HS6ST3: variants seen among roughly 807,000 people sequenced by gnomAD.
HS6ST3 encodes the protein heparan sulfate 6-O-sulfotransferase 3.
A neutral mutation model predicts 36.7 loss-of-function variants in HS6ST3; 12 were observed. That is an observed-to-expected ratio of 0.33 (90% CI 0.21 to 0.53). The LOEUF (loss-of-function observed/expected upper bound fraction) is 0.53, where lower values mean the gene tolerates loss of function less well. Ranked by LOEUF, HS6ST3 falls within the 20% of genes least tolerant of loss-of-function variation. The pLI, the probability that HS6ST3 is intolerant of heterozygous loss-of-function variation, is 0.95. For missense variants in HS6ST3, 584 were observed against 640.9 expected (o/e 0.91, Z 0.96); for synonymous variants, 240 against 257.5 (o/e 0.93, Z 0.65).
At chr13:96,522,188 A>C (rs1161279263) in intron 1 of HS6ST3, among the ~76,000 whole-genome samples, 1 of 152,126 alleles carries the variant, frequency 6.6e-6, no homozygotes, top group East Asian at 1.9e-4. Context: ...CCTGAGTTCT[A>C]ATTTGATTCC....
At chr13:96,501,395 G>C (rs2056003894) in intron 1 of HS6ST3, among the ~76,000 whole-genome samples, 1 of 152,214 alleles carries the variant, frequency 6.6e-6, no homozygotes. Flanking sequence ...GTGCTTAAGA[G>C]AATGAATCCT....
chr13:96,821,538 A>C (rs1324521123), intron 1 of HS6ST3, among the ~76,000 whole-genome samples: 1 of 152,258 alleles, frequency 6.6e-6, no homozygotes, highest in Non-Finnish European at 1.5e-5. Context: ...ACACAGACAC[A>C]GCACTTAGAA....
At chr13:96,179,434 T>C (rs1356158129) in intron 1 of HS6ST3, among the ~76,000 whole-genome samples, 2 of 152,232 alleles carry the variant, frequency 1.3e-5, no homozygotes, top group Non-Finnish European at 2.9e-5. Flanking sequence ...TTTCACTCCT[T>C]GAGCTCATCA....
At chr13:96,091,601 C>T (rs1158025889) in intron 1 of HS6ST3, 32 bp downstream of exon 1, 3 of 1,503,696 alleles carry the variant, frequency 2.0e-6, no homozygotes, top group Non-Finnish European at 2.7e-6. Flanking sequence ...CTGTTCTTCC[C>T]CCCCACCCCC....
chr13:96,436,967 T>A (rs200985802), intron 1 of HS6ST3, among the ~76,000 whole-genome samples: 1 of 42,810 alleles, frequency 2.3e-5, no homozygotes, highest in African/African-American at 1.6e-4. Context: ...AGGGCCTCCA[T>A]TTTTTTTTTC....
chr13:96,192,785 T>A (rs908582127), intron 1 of HS6ST3, among the ~76,000 whole-genome samples: 2 of 152,198 alleles, frequency 1.3e-5, no homozygotes, highest in East Asian at 1.9e-4. Flanking sequence ...ATAATGGGAT[T>A]ATTGGATCAA....
intron 1 of HS6ST3, among the ~76,000 whole-genome samples, chr13:96,832,277 G>A (rs1878817024): frequency 6.6e-6 from 1 of 152,142 alleles, no homozygotes; most frequent in Non-Finnish European, 1.5e-5. Flanking sequence ...GAGCAAGGAG[G>A]AAAAGCCCAA....
rs1390565925 is a variant in HS6ST3, at chr13:96,463,553, C to T, written c.708-368937C>T. Among the ~76,000 whole-genome samples, 3 of 151,950 alleles carry T rather than the reference C, an allele frequency of 2.0e-5. No individual in the cohort carries two copies. In the East Asian group the frequency reaches 5.8e-4, roughly 29 times the overall value. On this transcript the variant is annotated intron_variant, in intron 1 of 1. Coordinates refer to ENST00000376705, the MANE Select transcript of HS6ST3 (RefSeq NM_153456.4). The stretch of plus-strand genomic sequence containing the variant: ...ACAGGGTAGAAAAATATTTCTTGAA[C>T]AAGACACAAATAATACAAGACACAA...
intron 1 of HS6ST3, among the ~76,000 whole-genome samples, chr13:96,403,593 GA>G (rs1044013506): frequency 2.6e-5 from 4 of 151,242 alleles, no homozygotes; most frequent in East Asian, 1.9e-4. Flanking sequence ...TCTTCAAGAA[GA>G]AAAAAAAATC....
chr13:96,653,459 G>A (rs1355271240), intron 1 of HS6ST3, among the ~76,000 whole-genome samples: 1 of 152,088 alleles, frequency 6.6e-6, no homozygotes, highest in Non-Finnish European at 1.5e-5. Flanking sequence ...AACATGTGGT[G>A]TTTGGTTTTC....
intron 1 of HS6ST3, among the ~76,000 whole-genome samples, chr13:96,331,214 T>C (rs2055064777): frequency 6.6e-6 from 1 of 152,240 alleles, no homozygotes. Flanking sequence ...TTTGTTCCGT[T>C]GCTGGTGAGG....
At chr13:96,825,721 C>T (rs757038384) in intron 1 of HS6ST3, among the ~76,000 whole-genome samples, 1 of 152,226 alleles carries the variant, frequency 6.6e-6, no homozygotes, top group East Asian at 1.9e-4. Context: ...TGGGTCTCAA[C>T]ATCCTGCTCC....
At chr13:96,208,289 G>C (rs1178423607) in intron 1 of HS6ST3, among the ~76,000 whole-genome samples, 1 of 151,914 alleles carries the variant, frequency 6.6e-6, no homozygotes, top group Non-Finnish European at 1.5e-5. Context: ...GATTACAAAG[G>C]ATATGTTATA....
At chr13:96,247,661 C>G (rs72642954) in intron 1 of HS6ST3, among the ~76,000 whole-genome samples, 8,260 of 152,138 alleles carry the variant, frequency 0.054, 307 homozygotes, top group East Asian at 0.15. Context: ...TGAACCAATA[C>G]AAGCCCCTTC....
chr13:96,694,196 G>A (rs567535664), intron 1 of HS6ST3, among the ~76,000 whole-genome samples: 25 of 152,204 alleles, frequency 1.6e-4, no homozygotes, highest in South Asian at 1.5e-3. Flanking sequence ...AAAGGCCCCA[G>A]TGTGTGTTGT....
At chr13:96,297,145 T>G (rs953531319) in intron 1 of HS6ST3, among the ~76,000 whole-genome samples, 14 of 152,240 alleles carry the variant, frequency 9.2e-5, no homozygotes, top group African/African-American at 3.4e-4. Flanking sequence ...ACTAACTGTT[T>G]TTTACTGTTT....
rs1878843190 is a variant in HS6ST3, at chr13:96,833,059, A to G, written c.1277A>G (p.Glu426Gly). The G allele has an allele frequency of 1.2e-6, 2 of 1,613,282 alleles. No individual in the cohort carries two copies. Among genetic ancestry groups the G allele is most frequent in the Non-Finnish European group, 1.7e-6 (2 of 1,180,008 alleles). ...CGCTACCACCACACCAAGCAGCTAGAGCACCAGAGGGACCGCCAGAAGCGG... is the reference window on the plus strand; with the variant it reads ...CGCTACCACCACACCAAGCAGCTAGGGCACCAGAGGGACCGCCAGAAGCGG... The part of the protein sequence containing the change: ...QQRYHHTKQL[E>G]HQRDRQKRRE... Residue 426 changes from glutamate (E) to glycine (G), a missense_variant, in exon 2 of 2, where the codon GAG (glutamate) becomes GGG (glycine). Transcript: ENST00000376705.
chr13:96,337,052 G>GT (rs995013149), intron 1 of HS6ST3, among the ~76,000 whole-genome samples: 131 of 151,456 alleles, frequency 8.6e-4, no homozygotes, highest in Middle Eastern at 3.4e-3. Flanking sequence ...TGATTTATCA[G>GT]TTTTTTTTTG....
chr13:96,728,086 C>T (rs957311648), intron 1 of HS6ST3, among the ~76,000 whole-genome samples: 2 of 152,110 alleles, frequency 1.3e-5, no homozygotes, highest in Non-Finnish European at 2.9e-5. Context: ...CAATGCCCAC[C>T]TACCCCACTG....
Sources: allele counts gnomAD v4.1 joint callset (sites outside exome capture counted in the v4.1 genomes callset), GRCh38; gene constraint gnomAD v4.1.1; transcripts MANE v1.5; gene names NCBI Gene and HGNC (gene_info 2026-07-23, HGNC 2026-07-21).